Variants in HDGFL3 observed in about 807,000 individuals in gnomAD.
HDGFL3 encodes hepatoma-derived growth factor-related protein 3.
A neutral mutation model predicts 27.6 loss-of-function variants in HDGFL3; 6 were observed. That is an observed-to-expected ratio of 0.22 (90% CI 0.12 to 0.43). The LOEUF is 0.43. Among genes scored for constraint, HDGFL3 ranks in the 20% least tolerant of loss-of-function variants. The probability of loss-of-function intolerance (pLI) is 1.00; values close to 1 mark genes in which losing one functional copy is unlikely to be tolerated. For synonymous variants in HDGFL3, 88 were observed against 88.9 expected, an observed-to-expected ratio of 0.99 and a Z score of 0.05; for missense variants, 207 against 250.1, an observed-to-expected ratio of 0.83 and a Z score of 1.16.
Position 83,190,736 on chromosome 15 carries a change from A to G in HDGFL3, c.84+16595T>C, listed in dbSNP as rs536471920. ...TGGCTTATCTTTTCAATTTCATTAT[A>G]GAGTTTTTCAGTGAACAAAAGCACT... is the stretch of plus-strand genomic sequence containing the variant. On this transcript the variant is annotated intron_variant, in intron 1 of 5. Transcript: ENST00000299633. Among the ~76,000 whole-genome samples, 127 of 152,184 alleles carry G rather than the reference A, an allele frequency of 8.3e-4. 1 individual carries two copies. Among genetic ancestry groups the G allele is most frequent in the Non-Finnish European group, 7.5e-4 (51 of 68,018 alleles).
intron 5 of HDGFL3, chr15:83,144,802 T>A: frequency 2.9e-6 from 1 of 340,658 alleles, no homozygotes; most frequent in Non-Finnish European, 5.8e-6. Context: ...TGCACCTGAA[T>A]GGACTGTTGA....
intron 1 of HDGFL3, among the ~76,000 whole-genome samples, chr15:83,191,576 T>G (rs2037511134): frequency 6.6e-6 from 1 of 152,204 alleles, no homozygotes; most frequent in South Asian, 2.1e-4. Flanking sequence ...CATATAAAAT[T>G]GTAAGTTTAA....
At position 83,139,325 on chromosome 15, in the gene HDGFL3, T is replaced by C. The variant is rs542783969; in HGVS notation, c.607-50A>G. The C allele has an allele frequency of 1.3e-4, 154 of 1,230,240 alleles. No homozygotes were observed. In the South Asian group the frequency reaches 2.5e-3, roughly 20 times the overall value. The allele number at this position is 1,230,240 out of a possible 1,614,324, so 76.2% of individuals were successfully genotyped here. A position where few individuals can be genotyped will look rare whatever the true frequency, so the allele number is the denominator to read the frequency against. On this transcript the variant is annotated intron_variant, in intron 5 of 5. Coordinates refer to ENST00000299633, the MANE Select transcript of HDGFL3 (RefSeq NM_016073.4). ...AAACAAGCCTTTAGATGATTTAGGA[T>C]ACTAACAATGAGAGCTATCCACACC...
chr15:83,120,495 C>T (rs1164860263), intron 3 of HDGFL3, among the ~76,000 whole-genome samples: 2 of 151,960 alleles, frequency 1.3e-5, no homozygotes, highest in African/African-American at 4.8e-5. Context: ...TACAGAAAGT[C>T]ATGCATTCTT....
chr15:83,177,178 C>G (rs1438672803), intron 1 of HDGFL3, among the ~76,000 whole-genome samples: 1 of 152,204 alleles, frequency 6.6e-6, no homozygotes, highest in African/African-American at 2.4e-5. Flanking sequence ...CTCGGCCTCC[C>G]GAAGTGCTGG....
Position 83,200,757 on chromosome 15 carries a change from CT to C in HDGFL3, c.84+6573del, listed in dbSNP as rs972282646. On this transcript the variant is annotated intron_variant, in intron 1 of 5. Coordinates refer to ENST00000299633, the MANE Select transcript of HDGFL3 (RefSeq NM_016073.4). ...GAATGAAGTACTTGTCTTTTAACCC[CT>C]GGTCTGATTCTCTTTCTCTTCATTG... 1.9e-3 allele frequency among the ~76,000 whole-genome samples: 293 copies of C among 152,202 alleles called. 2 individuals are homozygous for C. Among genetic ancestry groups the C allele is most frequent in the Non-Finnish European group, 3.7e-4 (25 of 68,008 alleles).
chr15:83,119,835 C>A, intron 3 of HDGFL3: 1 of 1,169,518 alleles, frequency 8.6e-7, no homozygotes. Context: ...CTTTATCCTC[C>A]TTGTACCACT....
At chr15:83,196,182 T>C (rs2037569180) in intron 1 of HDGFL3, among the ~76,000 whole-genome samples, 1 of 151,808 alleles carries the variant, frequency 6.6e-6, no homozygotes, top group Non-Finnish European at 1.5e-5. Context: ...TATTAGTAAA[T>C]ATCAATATAT....
chr15:83,116,025 A>C (rs1445938696), intron 3 of HDGFL3: 3 of 1,097,994 alleles, frequency 2.7e-6, no homozygotes, highest in Non-Finnish European at 4.2e-6. Flanking sequence ...AAATCCTCTC[A>C]TTTAGTGTGA....
chr15:83,115,928 C>T, intron 3 of HDGFL3: 1 of 1,613,676 alleles, frequency 6.2e-7, no homozygotes, highest in African/African-American at 1.3e-5. Context: ...GTTCATGACA[C>T]ACTACTTGAG....
chr15:83,204,092 G>T (rs1338405419), intron 1 of HDGFL3, among the ~76,000 whole-genome samples: 1 of 150,078 alleles, frequency 6.7e-6, no homozygotes, highest in Non-Finnish European at 1.5e-5. Flanking sequence ...AAGGAAGGAG[G>T]AGGACAGGAA....
intron 1 of HDGFL3, among the ~76,000 whole-genome samples, chr15:83,169,716 A>C (rs2037222035): frequency 6.6e-6 from 1 of 151,536 alleles, no homozygotes; most frequent in African/African-American, 2.4e-5. Context: ...CACGAGAATC[A>C]CTTGAACCCA....
At chr15:83,144,967 C>T (rs1016451009) in intron 5 of HDGFL3, 5 of 156,654 alleles carry the variant, frequency 3.2e-5, no homozygotes, top group East Asian at 1.9e-4. Flanking sequence ...CCATATGAAT[C>T]GAAGGAACTC....
At chr15:83,200,604 T>C (rs1467366463) in intron 1 of HDGFL3, among the ~76,000 whole-genome samples, 2 of 152,204 alleles carry the variant, frequency 1.3e-5, no homozygotes, top group Admixed American at 1.3e-4. Flanking sequence ...AAATAGTTCT[T>C]TCATATACAT....
chr15:83,181,457 G>A (rs927499438), intron 1 of HDGFL3, among the ~76,000 whole-genome samples: 2 of 152,080 alleles, frequency 1.3e-5, no homozygotes, highest in African/African-American at 4.8e-5. Flanking sequence ...AACCTCCAGG[G>A]TTTATCCTTT....
intron 1 of HDGFL3, among the ~76,000 whole-genome samples, chr15:83,183,754 T>C (rs774196844): frequency 3.8e-5 from 5 of 131,706 alleles, no homozygotes; most frequent in South Asian, 2.3e-4. Flanking sequence ...TGAGACTCCA[T>C]CTCAAAAAAA....
intron 5 of HDGFL3, 147 bp downstream of exon 5, chr15:83,151,068 T>C (rs1596548759): frequency 1.6e-6 from 1 of 638,068 alleles, no homozygotes. Context: ...TTTGATTATA[T>C]TAAAGGGCTG....
intron 2 of HDGFL3, among the ~76,000 whole-genome samples, chr15:83,161,042 A>C (rs781349595): frequency 6.6e-6 from 1 of 152,206 alleles, no homozygotes; most frequent in Non-Finnish European, 1.5e-5. Context: ...TGAACACAAT[A>C]AATGGACTTT....
At chr15:83,146,504 T>C (rs2036895243) in intron 5 of HDGFL3, among the ~76,000 whole-genome samples, 1 of 152,210 alleles carries the variant, frequency 6.6e-6, no homozygotes, top group Admixed American at 6.5e-5. Context: ...ACTCAAACTC[T>C]GTTGACTCTC....
Sources: allele counts gnomAD v4.1 joint callset (sites outside exome capture counted in the v4.1 genomes callset), GRCh38; gene constraint gnomAD v4.1.1; transcripts MANE v1.5; gene names NCBI Gene and HGNC (gene_info 2026-07-23, HGNC 2026-07-21).